The following B3GALNT2 variants were observed in gnomAD, a reference collection of about 807,000 sequenced individuals.
B3GALNT2 encodes the protein UDP-GalNAc:beta-1,3-N-acetylgalactosaminyltransferase 2.
B3GALNT2 carries 53 observed loss-of-function variants against 61.1 expected under a neutral mutation model. The observed-to-expected ratio is 0.87, with a 90% CI of 0.70 to 1.09. The LOEUF is 1.09. Among genes scored for constraint, B3GALNT2 ranks in the 50% least tolerant of loss-of-function variants. B3GALNT2 has a pLI of 0.00. For missense variants in B3GALNT2, 544 were observed against 623.0 expected, an observed-to-expected ratio of 0.87 and a Z score of 1.35; for synonymous variants, 223 against 237.4, an observed-to-expected ratio of 0.94 and a Z score of 0.56.
At chr1:235,490,726 TTATAA>T (rs1379463649) in intron 2 of B3GALNT2, among the ~76,000 whole-genome samples, 6 of 151,838 alleles carry the variant, frequency 4.0e-5, no homozygotes, top group Non-Finnish European at 5.9e-5. Context: ...TTATATAATC[TTATAA>T]TATATATTAA....
At chr1:235,450,578 G>A (rs1352590470) in intron 11 of B3GALNT2, 2 of 474,398 alleles carry the variant, frequency 4.2e-6, no homozygotes, top group Admixed American at 6.9e-5. Context: ...TGGATGAAGA[G>A]TTAGTCAACA....
chr1:235,455,727 A>G (rs1469656461), intron 8 of B3GALNT2, 43 bp from the exon 9 acceptor site: 1 of 1,569,244 alleles, frequency 6.4e-7, no homozygotes, highest in Non-Finnish European at 8.8e-7. Context: ...CGACCAAACA[A>G]ACAAACACCA....
In B3GALNT2 at chr1:235,458,768, T is replaced by C. The variant is rs759841720; in HGVS notation, c.860A>G (p.His287Arg). 6.3e-7 allele frequency: 1 copy of C among 1,592,522 alleles called. No individual in the cohort carries two copies. The highest frequency in any genetic ancestry group is 8.5e-7 in the Non-Finnish European group (1 of 1,173,142). Residue 287 changes from histidine (H) to arginine (R), a missense_variant, in exon 8 of 12, where the codon CAC becomes CGC. Coordinates refer to ENST00000366600, the MANE Select transcript of B3GALNT2 (RefSeq NM_152490.5). ...TCTTTGAGGGCGAGAATGAAGGTTG[T>C]GTAAGAGAGCATCACCTTCTATAAA... The part of the protein sequence containing the change: ...YTIQEGDALL[H>R]NLHSRPQRLI...
chr1:235,494,615 C>T, intron 2 of B3GALNT2, 66 bp downstream of exon 2: 1 of 1,516,720 alleles, frequency 6.6e-7, no homozygotes, highest in Non-Finnish European at 9.0e-7. Context: ...CACCACCACG[C>T]CTGGCTAGGT....
chr1:235,448,924 T>C lies in B3GALNT2; in HGVS notation c.*1282A>G, dbSNP rs1682697747. On this transcript the variant is annotated 3_prime_UTR_variant, in exon 12 of 12. Coordinates refer to ENST00000366600, the MANE Select transcript of B3GALNT2 (RefSeq NM_152490.5). ...TTTTTTGTTGGGAAGTGACCATTTC[T>C]AGGCTTATACATAATAGCAATAATA... 2 of 638,854 alleles carry C rather than the reference T, an allele frequency of 3.1e-6. No homozygotes were observed. The highest frequency in any genetic ancestry group is 5.7e-6 in the Non-Finnish European group (2 of 351,564). 39.6% of individuals were successfully genotyped at this position (638,854 alleles called of 1,614,324 possible).
At chr1:235,467,669 G>A (rs1015565063) in intron 6 of B3GALNT2, among the ~76,000 whole-genome samples, 52 of 151,666 alleles carry the variant, frequency 3.4e-4, no homozygotes, top group East Asian at 5.8e-4. Flanking sequence ...TAGTAGAGAC[G>A]GGGTTTCACC....
intron 3 of B3GALNT2, 151 bp downstream of exon 3, chr1:235,489,017 G>A (rs1684936347): frequency 2.8e-6 from 3 of 1,069,612 alleles, no homozygotes; most frequent in East Asian, 5.5e-5. Flanking sequence ...GCCACTGCAC[G>A]CCAGCCTAGG....
chr1:235,479,371 C>T (rs750821684), intron 5 of B3GALNT2: 7 of 152,190 alleles, frequency 4.6e-5, no homozygotes, highest in Admixed American at 6.5e-5. Context: ...CAGGAATGTA[C>T]TCGGCCTAGA....
chr1:235,461,514 T>G (rs994667922), intron 7 of B3GALNT2, among the ~76,000 whole-genome samples: 1 of 131,310 alleles, frequency 7.6e-6, no homozygotes, highest in Non-Finnish European at 1.6e-5. Context: ...CCTGTTTTTT[T>G]TTTTTTTTTT....
At chr1:235,490,262 G>A (rs1216770614) in intron 2 of B3GALNT2, among the ~76,000 whole-genome samples, 2 of 151,822 alleles carry the variant, frequency 1.3e-5, no homozygotes, top group Middle Eastern at 3.2e-3. Flanking sequence ...ACAGAGTCTC[G>A]CTCTGTCACC....
intron 8 of B3GALNT2, among the ~76,000 whole-genome samples, chr1:235,458,069 G>A (rs778840422): frequency 5.3e-5 from 8 of 151,856 alleles, no homozygotes; most frequent in Non-Finnish European, 7.4e-5. Context: ...CACCACACTT[G>A]GCTAATTTTT....
intron 3 of B3GALNT2, among the ~76,000 whole-genome samples, chr1:235,486,106 A>C (rs1684793564): frequency 6.6e-6 from 1 of 152,014 alleles, no homozygotes; most frequent in Non-Finnish European, 1.5e-5. Flanking sequence ...AAAAGAAATT[A>C]CATTTTCTTC....
intron 8 of B3GALNT2, 131 bp downstream of exon 8, chr1:235,458,472 C>A: frequency 8.2e-7 from 1 of 1,226,504 alleles, no homozygotes; most frequent in Non-Finnish European, 1.1e-6. Context: ...TTTGCCTGCA[C>A]TCAGGAGTTC....
intron 5 of B3GALNT2, among the ~76,000 whole-genome samples, chr1:235,474,973 ATATATATATATATATTTTTTTTT>A (rs1223876483): frequency 0.027 from 804 of 29,762 alleles, 34 homozygotes; most frequent in African/African-American, 0.12. Flanking sequence ...ATATATATAT[ATATATATATATATATTTTTTTTT>A]TTTTTTTTTT....
chr1:235,490,117 GCCTTTGGGTCTTTTCTCAA>G (rs1161949433), intron 2 of B3GALNT2, among the ~76,000 whole-genome samples: 1 of 152,076 alleles, frequency 6.6e-6, no homozygotes, highest in Non-Finnish European at 1.5e-5. Context: ...CTAGGGCTCT[GCCTTTGGGTCTTTTCTCAA>G]TCTACTCATT....
intron 11 of B3GALNT2, 87 bp downstream of exon 11, chr1:235,453,003 G>A (rs1682998717): frequency 2.6e-6 from 3 of 1,168,102 alleles, no homozygotes; most frequent in Admixed American, 2.1e-5. Flanking sequence ...CTGGTCCCAG[G>A]CATTTTGGAT....
intron 3 of B3GALNT2, 29 bp downstream of exon 3, chr1:235,489,139 T>A (rs760220660): frequency 6.2e-7 from 1 of 1,612,544 alleles, no homozygotes; most frequent in Admixed American, 1.7e-5. Flanking sequence ...CAAGCTTGTG[T>A]ATGGCAGTCA....
chr1:235,451,723 G>A (rs1044533320), intron 11 of B3GALNT2: 1 of 152,184 alleles, frequency 6.6e-6, no homozygotes, highest in African/African-American at 2.4e-5. Context: ...CTCTATGCAG[G>A]GCTTCTAACT....
chr1:235,445,205 CCT>C (rs370048957), downstream of B3GALNT2, among the ~76,000 whole-genome samples: 27 of 151,908 alleles, frequency 1.8e-4, no homozygotes, highest in Admixed American at 5.2e-4. Flanking sequence ...CTTTTTTTCC[CCT>C]TTTTTATTTG....
Sources: gnomAD v4.1 joint callset for allele counts (sites outside exome capture counted in the v4.1 genomes callset) on GRCh38, gnomAD v4.1.1 for gene constraint, MANE v1.5 for transcripts, NCBI Gene and HGNC (gene_info 2026-07-23, HGNC 2026-07-21) for gene names.